RAP2B: variants seen among roughly 807,000 people sequenced by gnomAD.
RAP2B encodes ras-related protein Rap-2b.
In RAP2B, 6 loss-of-function variants were observed where a neutral mutation model predicts 14.4. The observed-to-expected ratio is 0.42, with a 90% CI of 0.23 to 0.82. RAP2B has a LOEUF of 0.82. RAP2B is among the 40% of genes least tolerant of loss of function. RAP2B has a pLI of 0.30. For missense variants in RAP2B, 137 were observed against 248.2 expected (o/e 0.55, Z 3.01); for synonymous variants, 118 against 113.2 (o/e 1.04, Z -0.27).
rs1713484582 is a variant in RAP2B, at chr3:153,163,660, C to CTTTTTTTTT, written c.*418_*419insTTTTTTTTT. On this transcript the variant is annotated 3_prime_UTR_variant, in exon 1 of 1. Coordinates refer to ENST00000323534, the MANE Select transcript of RAP2B (RefSeq NM_002886.4). ...GTTTTTTTTTTTTTTTTTCTATTTT[C>CTTTTTTTTT]TTTCTTTTTTTTTTTTTTTTTTTTT... 2 of 81,150 alleles carry CTTTTTTTTT rather than the reference C, an allele frequency of 2.5e-5. No homozygotes were observed. The highest frequency in any genetic ancestry group is 1.0e-4 in the African/African-American group (2 of 19,618). 5.0% of individuals were successfully genotyped at this position (81,150 alleles called of 1,614,324 possible). A position where few individuals can be genotyped will look rare whatever the true frequency, so the allele number is the denominator to read the frequency against.
In RAP2B at chr3:153,163,417, G is replaced by A; in HGVS notation, c.*172G>A. On this transcript the variant is annotated 3_prime_UTR_variant, in exon 1 of 1. Coordinates refer to ENST00000323534, the MANE Select transcript of RAP2B (RefSeq NM_002886.4). ...CGTCCCCTGCCTCCACCCTGTGCCC[G>A]AGGGGGTGTCCGGTCCTGCCCATCC... is the stretch of plus-strand genomic sequence containing the variant. The A allele has an allele frequency of 1.2e-6, 1 of 846,706 alleles. No homozygotes were observed. Among genetic ancestry groups the A allele is most frequent in the Non-Finnish European group, 1.8e-6 (1 of 551,712 alleles). The allele number at this position is 846,706 out of a possible 1,614,324, so 52.4% of individuals were successfully genotyped here.
rs563353608 is a variant in RAP2B, at chr3:153,166,552, T to C, written c.*3307T>C. ...GTTTTTAAACAGCTTTTCCTTTTGG[T>C]CTCTGACAGTCAATCCAGGTTTTAT... On this transcript the variant is annotated 3_prime_UTR_variant, in exon 1 of 1. Transcript: ENST00000323534. 6.0e-6 allele frequency: 1 copy of C among 167,194 alleles called. No homozygotes were observed. The highest frequency in any genetic ancestry group is 1.9e-4 in the East Asian group (1 of 5,194). 10.4% of individuals were successfully genotyped at this position (167,194 alleles called of 1,614,324 possible). A position where few individuals can be genotyped will look rare whatever the true frequency, so the allele number is the denominator to read the frequency against.
rs1713567358 is a variant in RAP2B at position 153,166,070 on chromosome 3, T to A, written c.*2825T>A. On this transcript the variant is annotated 3_prime_UTR_variant, in exon 1 of 1. Coordinates refer to ENST00000323534, the MANE Select transcript of RAP2B (RefSeq NM_002886.4). ...TGAAATATGTTGCTGGGTGCGTTAATCACCTCCGCCCAGGATTTAGTCACT... is the reference window on the plus strand; with the variant it reads ...TGAAATATGTTGCTGGGTGCGTTAAACACCTCCGCCCAGGATTTAGTCACT... 1 of 167,054 alleles carries A rather than the reference T, an allele frequency of 6.0e-6. No homozygotes were observed. Among genetic ancestry groups the A allele is most frequent in the African/African-American group, 2.4e-5 (1 of 41,450 alleles). The allele number at this position is 167,054 out of a possible 1,614,324, so 10.3% of individuals were successfully genotyped here. A position where few individuals can be genotyped will look rare whatever the true frequency, so the allele number is the denominator to read the frequency against.
rs1223747173 is a variant in RAP2B at position 153,163,055 on chromosome 3, A to C, written c.362A>C (p.Glu121Ala). The change falls in exon 1 of 1, where the codon GAG (glutamate) becomes GCG (alanine). Residue 121 changes from glutamate to alanine, a missense_variant. By Grantham distance (107) the Glu-to-Ala change is moderately radical (BLOSUM62 -1). Transcript: ENST00000323534. ...MILVGNKVDL[E>A]GEREVSYGEG... Reference sequence around the variant, plus strand: ...CTGGTGGGCAACAAGGTGGACCTGGAGGGTGAGCGCGAGGTCTCGTACGGG... The same window carrying C: ...CTGGTGGGCAACAAGGTGGACCTGGCGGGTGAGCGCGAGGTCTCGTACGGG... The C allele has an allele frequency of 1.2e-6, 2 of 1,613,942 alleles. No homozygotes were observed. The highest frequency in any genetic ancestry group is 1.7e-6 in the Non-Finnish European group (2 of 1,180,032).
chr3:153,162,487 C>A lies in RAP2B; in HGVS notation c.-207C>A. On this transcript the variant is annotated 5_prime_UTR_variant, in exon 1 of 1. Transcript: ENST00000323534. The surrounding 1 kb of genome is among the most constrained non-coding windows in gnomAD (Gnocchi z 4.9). ...TGCTGCGGGGCCCGGACCCGCACCC[C>A]AGGGATACGCTGCCGCCGCCGCCGG... 1 of 516,344 alleles carries A rather than the reference C, an allele frequency of 1.9e-6. No homozygotes were observed. The highest frequency in any genetic ancestry group is 3.1e-5 in the South Asian group (1 of 32,282). The allele number at this position is 516,344 out of a possible 1,614,324, so 32.0% of individuals were successfully genotyped here. A position where few individuals can be genotyped will look rare whatever the true frequency, so the allele number is the denominator to read the frequency against.
rs1243073224 is a variant in RAP2B, at chr3:153,165,016, G to A, written c.*1771G>A. ...AACAGTTTACCTCATTGTAGGTAGG[G>A]AACAAGAGAACCCATCTATTAAAAT... is the stretch of plus-strand genomic sequence containing the variant. On this transcript the variant is annotated 3_prime_UTR_variant, in exon 1 of 1. Coordinates refer to ENST00000323534, the MANE Select transcript of RAP2B (RefSeq NM_002886.4). The A allele has an allele frequency of 6.0e-6, 1 of 166,746 alleles. No individual in the cohort carries two copies. The highest frequency in any genetic ancestry group is 1.9e-4 in the East Asian group (1 of 5,200). The allele number at this position is 166,746 out of a possible 1,614,324, so 10.3% of individuals were successfully genotyped here.
chr3:153,164,058 G>C lies in RAP2B; in HGVS notation c.*813G>C, dbSNP rs1012326415. ...TCAAAGGGGAGTCTGGGGGAGAATG[G>C]TAGTATTTTTTTTTTTTATCAGCTG... On this transcript the variant is annotated 3_prime_UTR_variant, in exon 1 of 1. Coordinates refer to ENST00000323534, the MANE Select transcript of RAP2B (RefSeq NM_002886.4). 3 of 166,412 alleles carry C rather than the reference G, an allele frequency of 1.8e-5. No homozygotes were observed. The highest frequency in any genetic ancestry group is 4.4e-5 in the Non-Finnish European group (3 of 68,036). 10.3% of individuals were successfully genotyped at this position (166,412 alleles called of 1,614,324 possible).
In RAP2B at chr3:153,163,320, C is replaced by A; in HGVS notation, c.*75C>A. 3.4e-6 allele frequency: 5 copies of A among 1,457,360 alleles called. No individual in the cohort carries two copies. The highest frequency in any genetic ancestry group is 4.5e-6 in the Non-Finnish European group (5 of 1,104,402). The allele number at this position is 1,457,360 out of a possible 1,614,324, so 90.3% of individuals were successfully genotyped here. ...CCGACTCTCTAAATGTGATTTATTT[C>A]TTGCTTTGAGATTGGAGACCACTTT... On this transcript the variant is annotated 3_prime_UTR_variant, in exon 1 of 1. Coordinates refer to ENST00000323534, the MANE Select transcript of RAP2B (RefSeq NM_002886.4).
Position 153,162,421 on chromosome 3 carries a change from CCT to C in RAP2B, c.-269_-268del. On this transcript the variant is annotated 5_prime_UTR_variant, in exon 1 of 1. Coordinates refer to ENST00000323534, the MANE Select transcript of RAP2B (RefSeq NM_002886.4). This position sits in a 1 kb window ranked among gnomAD's most constrained non-coding sequence, Gnocchi z 4.9. Reference sequence around the variant, plus strand: ...GCCTCGCGCAGGCTGCGGGCATTGTCCTCTCGGTTCGCCGCCCGGGCTGCTGC... The same window carrying C: ...GCCTCGCGCAGGCTGCGGGCATTGTCCTCGGTTCGCCGCCCGGGCTGCTGC... The C allele has an allele frequency of 3.7e-6, 1 of 268,314 alleles. No homozygotes were observed. Among genetic ancestry groups the C allele is most frequent in the Non-Finnish European group, 6.9e-6 (1 of 144,768 alleles). The allele number at this position is 268,314 out of a possible 1,614,324, so 16.6% of individuals were successfully genotyped here. A position where few individuals can be genotyped will look rare whatever the true frequency, so the allele number is the denominator to read the frequency against.
rs987718929 is a variant in RAP2B, at chr3:153,167,885, A to G, written c.*4640A>G. On this transcript the variant is annotated 3_prime_UTR_variant, in exon 1 of 1. Coordinates refer to ENST00000323534, the MANE Select transcript of RAP2B (RefSeq NM_002886.4). ...AAAAAATTTGAAAAGTATGTCTTCA[A>G]TAAAAGGGGACACTTTATTTGTCTT... 2.5e-4 allele frequency: 42 copies of G among 166,996 alleles called. No homozygotes were observed. The highest frequency in any genetic ancestry group is 2.8e-4 in the Non-Finnish European group (19 of 68,116). The allele number at this position is 166,996 out of a possible 1,614,324, so 10.3% of individuals were successfully genotyped here. A position where few individuals can be genotyped will look rare whatever the true frequency, so the allele number is the denominator to read the frequency against.
At position 153,162,549 on chromosome 3, in the gene RAP2B, C is replaced by A; in HGVS notation, c.-145C>A. ...CCCGGCCTCCGTTCGGTGGTTTCCGCCCTGCGTTCTCTGGGTTGCTCTCTC... is the reference window on the plus strand; with the variant it reads ...CCCGGCCTCCGTTCGGTGGTTTCCGACCTGCGTTCTCTGGGTTGCTCTCTC... On this transcript the variant is annotated 5_prime_UTR_variant, in exon 1 of 1. Transcript: ENST00000323534. This position sits in a 1 kb window ranked among gnomAD's most constrained non-coding sequence, Gnocchi z 4.9. The A allele has an allele frequency of 9.7e-7, 1 of 1,029,958 alleles. No homozygotes were observed. The highest frequency in any genetic ancestry group is 1.3e-6 in the Non-Finnish European group (1 of 742,204). 63.8% of individuals were successfully genotyped at this position (1,029,958 alleles called of 1,614,324 possible).
Position 153,162,438 on chromosome 3 carries a change from C to A in RAP2B, c.-256C>A. On this transcript the variant is annotated 5_prime_UTR_variant, in exon 1 of 1. Transcript: ENST00000323534. This position sits in a 1 kb window ranked among gnomAD's most constrained non-coding sequence, Gnocchi z 4.9. ...GGCATTGTCCTCTCGGTTCGCCGCC[C>A]GGGCTGCTGCTGCCGCCGCGGACTG... is the stretch of plus-strand genomic sequence containing the variant. The A allele has an allele frequency of 3.3e-6, 1 of 298,706 alleles. No individual in the cohort carries two copies. The highest frequency in any genetic ancestry group is 1.4e-4 in the South Asian group (1 of 7,086). The allele number at this position is 298,706 out of a possible 1,614,324, so 18.5% of individuals were successfully genotyped here.
At position 153,162,494 on chromosome 3, in the gene RAP2B, A is replaced by ACGCTGC. The variant is rs1294861588; in HGVS notation, c.-196_-191dup. On this transcript the variant is annotated 5_prime_UTR_variant, in exon 1 of 1. Transcript: ENST00000323534. The surrounding 1 kb of genome is among the most constrained non-coding windows in gnomAD (Gnocchi z 4.9). The stretch of plus-strand genomic sequence containing the variant: ...GGGCCCGGACCCGCACCCCAGGGAT[A>ACGCTGC]CGCTGCCGCCGCCGCCGGCCGGCCC... 7.5e-6 allele frequency: 4 copies of ACGCTGC among 532,316 alleles called. No homozygotes were observed. The South Asian group carries it at 8.7e-5, about 12-fold the overall frequency. The allele number at this position is 532,316 out of a possible 1,614,324, so 33.0% of individuals were successfully genotyped here. A position where few individuals can be genotyped will look rare whatever the true frequency, so the allele number is the denominator to read the frequency against.
rs1713431740 is a variant in RAP2B at position 153,162,510 on chromosome 3, C to T, written c.-184C>T. 1.6e-6 allele frequency: 1 copy of T among 644,044 alleles called. No individual in the cohort carries two copies. Among genetic ancestry groups the T allele is most frequent in the Non-Finnish European group, 2.4e-6 (1 of 419,106 alleles). The allele number at this position is 644,044 out of a possible 1,614,324, so 39.9% of individuals were successfully genotyped here. A position where few individuals can be genotyped will look rare whatever the true frequency, so the allele number is the denominator to read the frequency against. ...CCCAGGGATACGCTGCCGCCGCCGC[C>T]GGCCGGCCCGGCGCCCGGCCTCCGT... On this transcript the variant is annotated 5_prime_UTR_variant, in exon 1 of 1. Coordinates refer to ENST00000323534, the MANE Select transcript of RAP2B (RefSeq NM_002886.4). The surrounding 1 kb of genome is among the most constrained non-coding windows in gnomAD (Gnocchi z 4.9).
Position 153,162,990 on chromosome 3 carries a change from G to C in RAP2B, c.297G>C (p.Gln99His). ...AGGACATCAAGCCCATGCGGGACCA[G>C]ATCATCCGCGTGAAGCGGTACGAGC... ...SFQDIKPMRDQIIRVKRYERV... is the reference protein window; with the variant it reads ...SFQDIKPMRDHIIRVKRYERV... Residue 99 changes from glutamine to histidine, a missense_variant, in exon 1 of 1, where the codon CAG (glutamine) becomes CAC (histidine). By Grantham distance (24) the Gln-to-His change is conservative. This residue lies in a region of RAP2B where 106 missense variants were observed against 143.5 expected (regional missense o/e 0.74). Transcript: ENST00000323534. This position sits in a 1 kb window ranked among gnomAD's most constrained non-coding sequence, Gnocchi z 4.9. 2 of 1,614,188 alleles carry C rather than the reference G, an allele frequency of 1.2e-6. No individual in the cohort carries two copies. The highest frequency in any genetic ancestry group is 1.7e-6 in the Non-Finnish European group (2 of 1,180,030).
chr3:153,165,845 C>T lies in RAP2B; in HGVS notation c.*2600C>T, dbSNP rs1187045977. ...TCTTGTATTTGAATAAATTCAGTTG[C>T]TAAAGTAGATCCAAAGTGTTAAAAA... On this transcript the variant is annotated 3_prime_UTR_variant, in exon 1 of 1. Coordinates refer to ENST00000323534, the MANE Select transcript of RAP2B (RefSeq NM_002886.4). The T allele has an allele frequency of 1.2e-5, 2 of 167,000 alleles. No homozygotes were observed. Among genetic ancestry groups the T allele is most frequent in the Non-Finnish European group, 2.9e-5 (2 of 68,100 alleles). The allele number at this position is 167,000 out of a possible 1,614,324, so 10.3% of individuals were successfully genotyped here. A position where few individuals can be genotyped will look rare whatever the true frequency, so the allele number is the denominator to read the frequency against.
rs1713643014 is a variant in RAP2B at position 153,168,589 on chromosome 3, C to T, written c.*5344C>T. The stretch of plus-strand genomic sequence containing the variant: ...TGAATGAATGGAACATGGAGTGTTA[C>T]ATCTGAAACTATTCTATTAGAAGGT... On this transcript the variant is annotated 3_prime_UTR_variant, in exon 1 of 1. Coordinates refer to ENST00000323534, the MANE Select transcript of RAP2B (RefSeq NM_002886.4). The T allele has an allele frequency of 6.5e-6, 1 of 153,198 alleles. No individual in the cohort carries two copies. The highest frequency in any genetic ancestry group is 1.5e-5 in the Non-Finnish European group (1 of 68,014). 9.5% of individuals were successfully genotyped at this position (153,198 alleles called of 1,614,324 possible). A position where few individuals can be genotyped will look rare whatever the true frequency, so the allele number is the denominator to read the frequency against.
rs1212468879 is a variant in RAP2B, at chr3:153,167,191, A to G, written c.*3946A>G. 1 of 167,030 alleles carries G rather than the reference A, an allele frequency of 6.0e-6. No individual in the cohort carries two copies. Among genetic ancestry groups the G allele is most frequent in the Non-Finnish European group, 1.5e-5 (1 of 68,110 alleles). 10.3% of individuals were successfully genotyped at this position (167,030 alleles called of 1,614,324 possible). ...CTAATATAATGTGGTATTCTTGATTACAGTATTTTATGCAGACTATTAGGA... is the reference window on the plus strand; with the variant it reads ...CTAATATAATGTGGTATTCTTGATTGCAGTATTTTATGCAGACTATTAGGA... On this transcript the variant is annotated 3_prime_UTR_variant, in exon 1 of 1. Transcript: ENST00000323534.
rs1713527896 is a variant in RAP2B, at chr3:153,164,797, TG to T, written c.*1556del. The T allele has an allele frequency of 6.0e-6, 1 of 167,082 alleles. No individual in the cohort carries two copies. Among genetic ancestry groups the T allele is most frequent in the Non-Finnish European group, 1.5e-5 (1 of 68,126 alleles). The allele number at this position is 167,082 out of a possible 1,614,324, so 10.3% of individuals were successfully genotyped here. The stretch of plus-strand genomic sequence containing the variant: ...AATACAGTATCATGGCTGAGGTGGA[TG>T]GGGCAGGTGCATGATACTCTTCAGA... On this transcript the variant is annotated 3_prime_UTR_variant, in exon 1 of 1. Coordinates refer to ENST00000323534, the MANE Select transcript of RAP2B (RefSeq NM_002886.4).
Sources: allele counts gnomAD v4.1 joint callset, GRCh38; gene constraint gnomAD v4.1.1; regional missense constraint gnomAD v4.1.1; non-coding constraint Gnocchi (gnomAD v3.1); transcripts MANE v1.5; gene names NCBI Gene and HGNC (gene_info 2026-07-23, HGNC 2026-07-21).